Variants in COL4A1 observed in about 807,000 individuals in gnomAD.
COL4A1 encodes the protein collagen alpha-1(IV) chain.
COL4A1 carries 40 observed loss-of-function variants against 216.6 expected under a neutral mutation model. The observed-to-expected ratio is 0.18, with a 90% confidence interval of 0.14 to 0.24. The LOEUF (loss-of-function observed/expected upper bound fraction) is 0.24, where lower values mean the gene tolerates loss of function less well. Among genes scored for constraint, COL4A1 ranks in the 10% least tolerant of loss-of-function variants. COL4A1 has a pLI of 1.00. For missense variants in COL4A1, 1,628 were observed against 2,196.8 expected (o/e 0.74, Z 5.18); for synonymous variants, 839 against 810.7 (o/e 1.03, Z -0.59).
At chr13:110,155,789 G>A (rs997849213) in intron 49 of COL4A1, among the ~76,000 whole-genome samples, 8 of 152,204 alleles carry the variant, frequency 5.3e-5, no homozygotes, top group Admixed American at 1.3e-4. Context: ...GCACATGCCT[G>A]TAATCCCAGC....
intron 23 of COL4A1, among the ~76,000 whole-genome samples, 196 bp from the exon 24 acceptor site, chr13:110,192,480 C>T (rs905980725): frequency 4.6e-5 from 7 of 152,272 alleles, no homozygotes; most frequent in South Asian, 4.1e-4. Flanking sequence ...CATGTACACC[C>T]GGAAGCAGGA....
Position 110,195,017 on chromosome 13 carries a change from T to C in COL4A1, c.1381+6A>G. 1 of 1,613,252 alleles carries C rather than the reference T, an allele frequency of 6.2e-7. No homozygotes were observed. The highest frequency in any genetic ancestry group is 8.5e-7 in the Non-Finnish European group (1 of 1,179,296). ...CCACCATTTTAAAAAAATCAAAATT[T>C]CTTACCTTTCTCTCCAATTTCGCCT... On this transcript the variant is annotated splice_donor_region_variant and intron_variant, in intron 22 of 51. Transcript: ENST00000375820.
intron 31 of COL4A1, 33 bp from the exon 32 acceptor site, chr13:110,178,264 C>A (rs199850462): frequency 1.7e-4 from 280 of 1,611,924 alleles, no homozygotes; most frequent in Non-Finnish European, 1.7e-4. Flanking sequence ...TAACTTTTAG[C>A]AGAATTTACA....
In COL4A1 at chr13:110,180,602, G is replaced by A. The variant is rs181444491; in HGVS notation, c.2193+690C>T. ...TTTCACATTGGTTCCTTACAATCAGGACAGGAAAGGATCTAATCGGTAGTC... is the reference window on the plus strand; with the variant it reads ...TTTCACATTGGTTCCTTACAATCAGAACAGGAAAGGATCTAATCGGTAGTC... On this transcript the variant is annotated intron_variant, in intron 29 of 51. Transcript: ENST00000375820. 5.3e-5 allele frequency among the ~76,000 whole-genome samples: 8 copies of A among 152,364 alleles called. No individual in the cohort carries two copies. The East Asian group carries it at 1.5e-3, about 29-fold the overall frequency.
intron 1 of COL4A1, among the ~76,000 whole-genome samples, chr13:110,290,259 T>C (rs1184611451): frequency 1.3e-5 from 2 of 152,218 alleles, no homozygotes; most frequent in Admixed American, 6.5e-5. Flanking sequence ...CGTGAGCGCG[T>C]TGCAAGCTAA....
chr13:110,301,699 C>A (rs1350379607), intron 1 of COL4A1, among the ~76,000 whole-genome samples: 2 of 152,120 alleles, frequency 1.3e-5, no homozygotes, highest in African/African-American at 2.4e-5. Flanking sequence ...TGCGTGCTAG[C>A]CGAGGGAAGA....
chr13:110,169,530 A>C, intron 43 of COL4A1, 99 bp downstream of exon 43: 2 of 1,570,814 alleles, frequency 1.3e-6, no homozygotes, highest in Non-Finnish European at 1.7e-6. Flanking sequence ...ACACACATAT[A>C]TATACATACA....
rs1308417659 is a variant in COL4A1 at position 110,307,061 on chromosome 13, C to A, written c.-34G>T. On this transcript the variant is annotated 5_prime_UTR_variant, in exon 1 of 52. Transcript: ENST00000375820. The surrounding 1 kb of genome is among the most constrained non-coding windows in gnomAD (Gnocchi z 5.0). ...GCCCGAGGCGGCGAGGGACGGCTGC[C>A]CGGCGTGCGGGGGCCGCGGCGGACA... The A allele has an allele frequency of 7.0e-7, 1 of 1,432,068 alleles. No individual in the cohort carries two copies. The highest frequency in any genetic ancestry group is 1.5e-5 in the African/African-American group (1 of 67,200). The allele number at this position is 1,432,068 out of a possible 1,614,324, so 88.7% of individuals were successfully genotyped here.
chr13:110,283,853 T>C (rs539408276), intron 1 of COL4A1, among the ~76,000 whole-genome samples: 50 of 152,138 alleles, frequency 3.3e-4, no homozygotes, highest in Non-Finnish European at 5.3e-4. Flanking sequence ...CTGAAGACTT[T>C]AGTCACTGTG....
intron 1 of COL4A1, among the ~76,000 whole-genome samples, chr13:110,281,953 T>C (rs1177027856): frequency 6.6e-6 from 1 of 152,204 alleles, no homozygotes; most frequent in East Asian, 1.9e-4. Context: ...AGTTTATGCC[T>C]GAAACACAAC....
Position 110,173,777 on chromosome 13 carries a change from T to C in COL4A1, c.3505+123A>G, listed in dbSNP as rs1191208460. 9 of 1,069,986 alleles carry C rather than the reference T, an allele frequency of 8.4e-6. No individual in the cohort carries two copies. In the East Asian group the frequency reaches 2.3e-4, roughly 27 times the overall value. 66.3% of individuals were successfully genotyped at this position (1,069,986 alleles called of 1,614,324 possible). ...ACATCCACATCAGTGTTTAAGTAGT[T>C]GCAGGGATGTGCAGTCTAGGGGCCA... On this transcript the variant is annotated intron_variant, in intron 40 of 51. Transcript: ENST00000375820.
intron 1 of COL4A1, among the ~76,000 whole-genome samples, chr13:110,275,878 G>A (rs1454013576): frequency 6.6e-6 from 1 of 152,172 alleles, no homozygotes; most frequent in African/African-American, 2.4e-5. Context: ...ACAGCAAGAG[G>A]ATCCATAGTT....
chr13:110,219,832 G>GTGTGTATA lies in COL4A1; in HGVS notation c.145-5818_145-5817insTATACACA, dbSNP rs1566385644. On this transcript the variant is annotated intron_variant, in intron 2 of 51. Coordinates refer to ENST00000375820, the MANE Select transcript of COL4A1 (RefSeq NM_001845.6). ...TGTGTATATATGTATATATATGTAT[G>GTGTGTATA]TATGTATATATGTGTATATATATGT... 6.7e-5 allele frequency among the ~76,000 whole-genome samples: 8 copies of GTGTGTATA among 119,744 alleles called. 1 individual carries two copies. The East Asian group carries it at 1.6e-3, about 25-fold the overall frequency. The allele number at this position is 119,744 out of a possible 152,430, so 78.6% of individuals were successfully genotyped here. A position where few individuals can be genotyped will look rare whatever the true frequency, so the allele number is the denominator to read the frequency against.
intron 30 of COL4A1, 68 bp from the exon 31 acceptor site, chr13:110,179,104 T>G (rs503053): frequency 1.3e-6 from 2 of 1,537,166 alleles, no homozygotes; most frequent in Non-Finnish European, 1.8e-6. Flanking sequence ...AGGAGACCCA[T>G]GCACACGAAT....
chr13:110,264,881 G>A (rs1027619786), intron 1 of COL4A1, among the ~76,000 whole-genome samples: 5 of 152,226 alleles, frequency 3.3e-5, no homozygotes, highest in African/African-American at 1.2e-4. Context: ...TGCACCACGT[G>A]ATCCCAGGGC....
At chr13:110,251,574 G>T (rs1175938454) in intron 1 of COL4A1, among the ~76,000 whole-genome samples, 1 of 152,254 alleles carries the variant, frequency 6.6e-6, no homozygotes, top group Non-Finnish European at 1.5e-5. Context: ...TAAAACGTGG[G>T]CTGCAAGGGA....
At chr13:110,178,299 C>T in intron 31 of COL4A1, 68 bp from the exon 32 acceptor site, 1 of 1,596,506 alleles carries the variant, frequency 6.3e-7, no homozygotes, top group Non-Finnish European at 8.6e-7. Flanking sequence ...GTACAGTGCT[C>T]TGTTTAACTA....
At chr13:110,254,452 G>A (rs923201650) in intron 1 of COL4A1, among the ~76,000 whole-genome samples, 3 of 152,072 alleles carry the variant, frequency 2.0e-5, no homozygotes, top group Non-Finnish European at 4.4e-5. Flanking sequence ...ACACAGCAGC[G>A]CCCATGTTCT....
At chr13:110,184,031 G>A (rs1197257186) in intron 26 of COL4A1, among the ~76,000 whole-genome samples, 5 of 152,194 alleles carry the variant, frequency 3.3e-5, no homozygotes, top group Admixed American at 6.5e-5. Flanking sequence ...TGTGGGAAAC[G>A]CCAACTGAAC....
Sources: gnomAD v4.1 joint callset for allele counts (sites outside exome capture counted in the v4.1 genomes callset) on GRCh38, gnomAD v4.1.1 for gene constraint, Gnocchi (gnomAD v3.1) non-coding constraint, MANE v1.5 for transcripts, NCBI Gene and HGNC (gene_info 2026-07-23, HGNC 2026-07-21) for gene names.